PPP2R5E: variants seen among roughly 807,000 people sequenced by gnomAD.
The protein encoded by PPP2R5E is serine/threonine-protein phosphatase 2A 56 kDa regulatory subunit epsilon isoform.
In PPP2R5E, 4 loss-of-function variants were observed where a neutral mutation model predicts 65.3. The ratio of observed to expected loss-of-function variants is 0.06; its 90% CI spans 0.03 to 0.14. The LOEUF (loss-of-function observed/expected upper bound fraction) is 0.14, where lower values mean the gene tolerates loss of function less well. Ranked by LOEUF, PPP2R5E falls within the 10% of genes least tolerant of loss-of-function variation. The probability of loss-of-function intolerance (pLI) is 1.00; values close to 1 mark genes in which losing one functional copy is unlikely to be tolerated. For missense variants in PPP2R5E, 274 were observed against 556.1 expected (o/e 0.49, Z 5.10); for synonymous variants, 183 against 187.4 (o/e 0.98, Z 0.19).
intron 2 of PPP2R5E, among the ~76,000 whole-genome samples, chr14:63,526,745 C>CAA (rs1893199616): frequency 6.6e-6 from 1 of 152,156 alleles, no homozygotes; most frequent in Non-Finnish European, 1.5e-5. Flanking sequence ...TTTGTAGAGA[C>CAA]AGAGTTTTGC....
Position 63,376,039 on chromosome 14 carries a change from A to G in PPP2R5E, c.1374T>C (p.Gly458=), listed in dbSNP as rs771337643. The G allele has an allele frequency of 2.5e-6, 4 of 1,605,424 alleles. No individual in the cohort carries two copies. Residue 458 remains glycine (G), a synonymous_variant, in exon 14 of 14, where the codon GGT becomes GGC. Coordinates refer to ENST00000337537, the MANE Select transcript of PPP2R5E (RefSeq NM_006246.5). The stretch of plus-strand genomic sequence containing the variant: ...TTGGAATTATTCCATCACGTCTAAG[A>G]CCTCTCTTTAACTCCAGATCCTCCA... ...KKLEDLELKR[G]LRRDGIIPT
At chr14:63,453,302 A>G (rs1888947776) in intron 3 of PPP2R5E, 1 of 156,228 alleles carries the variant, frequency 6.4e-6, no homozygotes, top group Non-Finnish European at 1.4e-5. Context: ...AGCCATTTCT[A>G]ATATACCACA....
chr14:63,476,917 T>C (rs1478894979), intron 2 of PPP2R5E, among the ~76,000 whole-genome samples: 1 of 152,138 alleles, frequency 6.6e-6, no homozygotes, highest in Non-Finnish European at 1.5e-5. Context: ...AGGAAGCACT[T>C]AGACTGTAGA....
At chr14:63,514,989 C>A (rs1287569827) in intron 2 of PPP2R5E, among the ~76,000 whole-genome samples, 1 of 152,094 alleles carries the variant, frequency 6.6e-6, no homozygotes, top group Non-Finnish European at 1.5e-5. Context: ...CAAACCTATC[C>A]CTCTTTTCAT....
chr14:63,475,643 G>C (rs1890371293), intron 2 of PPP2R5E, among the ~76,000 whole-genome samples: 1 of 151,982 alleles, frequency 6.6e-6, no homozygotes, highest in African/African-American at 2.4e-5. Context: ...ACAATTTTTG[G>C]AGGAAAAACT....
chr14:63,467,668 C>T (rs953224487), intron 2 of PPP2R5E, among the ~76,000 whole-genome samples: 34 of 152,280 alleles, frequency 2.2e-4, no homozygotes, highest in Admixed American at 1.3e-3. Context: ...ATCACAGAAA[C>T]GTTTAAGATG....
At chr14:63,419,230 A>G (rs1024847060) in intron 4 of PPP2R5E, among the ~76,000 whole-genome samples, 1 of 152,192 alleles carries the variant, frequency 6.6e-6, no homozygotes, top group Non-Finnish European at 1.5e-5. Context: ...AGCACAGCCA[A>G]CCACTCAACA....
intron 2 of PPP2R5E, among the ~76,000 whole-genome samples, chr14:63,501,135 C>G (rs1028616565): frequency 6.6e-6 from 1 of 152,108 alleles, no homozygotes; most frequent in Non-Finnish European, 1.5e-5. Context: ...CGCAGTGGCT[C>G]ATGCCTGTAA....
intron 2 of PPP2R5E, among the ~76,000 whole-genome samples, chr14:63,512,192 G>C (rs954101351): frequency 2.0e-5 from 3 of 148,828 alleles, no homozygotes; most frequent in Admixed American, 6.7e-5. Context: ...AAATTACTAA[G>C]TACTTTACCC....
intron 3 of PPP2R5E, among the ~76,000 whole-genome samples, chr14:63,445,946 C>CAATGGATA (rs1333381057): frequency 6.6e-6 from 1 of 152,156 alleles, no homozygotes; most frequent in East Asian, 1.9e-4. Flanking sequence ...ATTTTATCCA[C>CAATGGATA]AATGGAACTT....
Position 63,422,180 on chromosome 14 carries a change from C to A in PPP2R5E, c.355-86G>T, listed in dbSNP as rs1472578547. 4 of 1,066,682 alleles carry A rather than the reference C, an allele frequency of 3.7e-6. No homozygotes were observed. In the East Asian group the frequency reaches 7.2e-5, roughly 19 times the overall value. The allele number at this position is 1,066,682 out of a possible 1,614,324, so 66.1% of individuals were successfully genotyped here. A position where few individuals can be genotyped will look rare whatever the true frequency, so the allele number is the denominator to read the frequency against. On this transcript the variant is annotated intron_variant, in intron 3 of 13. Transcript: ENST00000337537. ...TCCTTGGAGCCAAGCTGAGGGGAAC[C>A]CAGATAACAATGCACAAGGAACATC...
intron 4 of PPP2R5E, among the ~76,000 whole-genome samples, chr14:63,420,424 T>G (rs17101158): frequency 0.041 from 6,222 of 152,094 alleles, 263 homozygotes; most frequent in African/African-American, 0.1. Flanking sequence ...TTTCTTAGAT[T>G]GCAGACAATA....
intron 2 of PPP2R5E, among the ~76,000 whole-genome samples, chr14:63,464,676 G>A (rs1415274465): frequency 6.6e-6 from 1 of 152,184 alleles, no homozygotes; most frequent in Admixed American, 6.5e-5. Context: ...TACTGACAAT[G>A]GACAAGCCAC....
At chr14:63,444,284 T>C (rs1350088148) in intron 3 of PPP2R5E, among the ~76,000 whole-genome samples, 2 of 152,262 alleles carry the variant, frequency 1.3e-5, no homozygotes, top group Non-Finnish European at 2.9e-5. Flanking sequence ...ATTCATCTTT[T>C]AATACCCTAC....
intron 5 of PPP2R5E, among the ~76,000 whole-genome samples, chr14:63,411,855 C>T (rs1459983100): frequency 2.0e-5 from 3 of 152,046 alleles, no homozygotes; most frequent in African/African-American, 7.2e-5. Flanking sequence ...CACCTCTTTT[C>T]TTCATAAATT....
intron 2 of PPP2R5E, among the ~76,000 whole-genome samples, chr14:63,538,159 T>C (rs1471773737): frequency 1.3e-5 from 2 of 152,056 alleles, no homozygotes; most frequent in African/African-American, 4.8e-5. Flanking sequence ...GGCATGCTTC[T>C]GTAGTCCCAG....
chr14:63,471,575 G>A (rs1051344464), intron 2 of PPP2R5E, among the ~76,000 whole-genome samples: 1 of 152,092 alleles, frequency 6.6e-6, no homozygotes, highest in Non-Finnish European at 1.5e-5. Context: ...CTATTATAAG[G>A]AGTTTACATG....
intron 2 of PPP2R5E, among the ~76,000 whole-genome samples, chr14:63,464,442 G>A (rs1204441840): frequency 1.3e-5 from 2 of 152,118 alleles, no homozygotes; most frequent in Non-Finnish European, 2.9e-5. Flanking sequence ...CCCAAGGAGA[G>A]AAATGGCAAG....
intron 2 of PPP2R5E, among the ~76,000 whole-genome samples, chr14:63,485,872 AG>A (rs200450463): frequency 0.023 from 3,129 of 134,826 alleles, 71 homozygotes; most frequent in African/African-American, 0.066. Context: ...TCTGTCACCC[AG>A]GGCTGGAGTG....
Sources: gnomAD v4.1 joint callset for allele counts (sites outside exome capture counted in the v4.1 genomes callset) on GRCh38, gnomAD v4.1.1 for gene constraint, MANE v1.5 for transcripts, NCBI Gene and HGNC (gene_info 2026-07-23, HGNC 2026-07-21) for gene names.